The following TMPRSS9 variants were observed in gnomAD, a reference collection of about 807,000 sequenced individuals.
The protein encoded by TMPRSS9 is transmembrane serine protease 9, also known as transmembrane protease serine 9.
Under a neutral mutation model 111.4 loss-of-function variants are expected in TMPRSS9, and 113 were observed. The observed-to-expected ratio is 1.01, with a 90% CI of 0.87 to 1.19. The LOEUF is 1.19. TMPRSS9 is among the 50% of genes most tolerant of loss of function. TMPRSS9 has a pLI of 0.00. For synonymous variants in TMPRSS9, 805 were observed against 659.1 expected (o/e 1.22, Z -3.39); for missense variants, 1,803 against 1,513.1 (o/e 1.19, Z -3.18).
chr19:2,395,501 C>A (rs1031011530), intron 1 of TMPRSS9, among the ~76,000 whole-genome samples: 1 of 151,544 alleles, frequency 6.6e-6, no homozygotes, highest in Non-Finnish European at 1.5e-5. Flanking sequence ...CCAAGGCTGG[C>A]GGATCATCTG....
At chr19:2,368,592 G>A (rs949220282) in intron 1 of TMPRSS9, among the ~76,000 whole-genome samples, 3 of 151,906 alleles carry the variant, frequency 2.0e-5, no homozygotes, top group Non-Finnish European at 2.9e-5. Context: ...GAGGCTTCCC[G>A]TTGAGAATAG....
chr19:2,396,225 C>T, intron 1 of TMPRSS9: 1 of 262,084 alleles, frequency 3.8e-6, no homozygotes, highest in Non-Finnish European at 7.2e-6. Flanking sequence ...AGCAGGACCT[C>T]TTTCTGCCTT....
intron 8 of TMPRSS9, 99 bp from the exon 10 acceptor site, chr19:2,410,159 A>T: frequency 6.5e-7 from 1 of 1,532,782 alleles, no homozygotes; most frequent in Admixed American, 1.8e-5. Flanking sequence ...GGGGAAACTG[A>T]GGGAGGCTTG....
Position 2,411,071 on chromosome 19 carries a change from G to A in TMPRSS9, c.1254+677G>A, listed in dbSNP as rs559483083. Among the ~76,000 whole-genome samples the A allele has an allele frequency of 7.2e-5, 11 of 151,962 alleles. No individual in the cohort carries two copies. In the South Asian group the frequency reaches 1.2e-3, roughly 17 times the overall value. On this transcript the variant is annotated intron_variant, in intron 9 of 17. Transcript: ENST00000648592. ...TCCCAGCACTATGCGAGGCCAAGGC[G>A]GGTGGATCACTTGAGGTCAGGAGTT...
At chr19:2,392,301 G>A (rs1970614927) in intron 1 of TMPRSS9, among the ~76,000 whole-genome samples, 1 of 152,184 alleles carries the variant, frequency 6.6e-6, no homozygotes, top group Admixed American at 6.6e-5. Context: ...ACTGAGGTGG[G>A]AGGATTGCTT....
intron 1 of TMPRSS9, among the ~76,000 whole-genome samples, chr19:2,365,629 A>AT (rs1970242410): frequency 6.6e-6 from 1 of 151,896 alleles, no homozygotes; most frequent in Non-Finnish European, 1.5e-5. Context: ...AACAAAAAAA[A>AT]CAAAAAAACT....
chr19:2,382,680 TACAC>T (rs36192234), intron 1 of TMPRSS9, among the ~76,000 whole-genome samples: 58,729 of 149,244 alleles, frequency 0.39, 11,586 homozygotes, highest in East Asian at 0.59. Flanking sequence ...CGTGCACACA[TACAC>T]ACATGCACAC....
chr19:2,424,154 T>G (rs1568194087), exon 15 of TMPRSS9: 2 of 1,450,744 alleles, frequency 1.4e-6, no homozygotes, highest in East Asian at 2.8e-5. Flanking sequence ...CCGTGGGGAG[T>G]GGCCGTGGCA....
At chr19:2,400,833 G>T (rs1238384082) in intron 4 of TMPRSS9, among the ~76,000 whole-genome samples, 1 of 151,578 alleles carries the variant, frequency 6.6e-6, no homozygotes, top group African/African-American at 2.4e-5. Flanking sequence ...AATTAGCCGG[G>T]CATGGTGGCG....
Position 2,418,310 on chromosome 19 carries a change from C to CT in TMPRSS9, c.2154+172_2154+173insT, listed in dbSNP as rs1568189288. On this transcript the variant is annotated intron_variant, in intron 13 of 17. Transcript: ENST00000648592. Reference sequence around the variant, plus strand: ...TTCCTCCTTTCCTTCCCTCCCTTTCCCTCCCTCCCTCCCTCCCTCCCTTTC... The same window carrying CT: ...TTCCTCCTTTCCTTCCCTCCCTTTCCTCTCCCTCCCTCCCTCCCTCCCTTTC... Among the ~76,000 whole-genome samples the CT allele has an allele frequency of 2.8e-4, 9 of 31,852 alleles. 2 individuals are homozygous for CT. The highest frequency in any genetic ancestry group is 1.9e-3 in the African/African-American group (5 of 2,620). 20.9% of individuals were successfully genotyped at this position (31,852 alleles called of 152,430 possible).
chr19:2,379,175 C>CTTTTTTTTTT (rs201078504), intron 1 of TMPRSS9, among the ~76,000 whole-genome samples: 1 of 124,800 alleles, frequency 8.0e-6, no homozygotes, highest in Non-Finnish European at 1.6e-5. Context: ...GCCTGAGCTT[C>CTTTTTTTTTT]TTTCTCTTTT....
rs112589383 is a variant in TMPRSS9, at chr19:2,374,406, C to G, written c.-26+14046C>G. Among the ~76,000 whole-genome samples, 3 of 150,966 alleles carry G rather than the reference C, an allele frequency of 2.0e-5. No individual in the cohort carries two copies. The East Asian group carries it at 5.9e-4, about 29-fold the overall frequency. On this transcript the variant is annotated intron_variant, in intron 1 of 17. Coordinates refer to the TMPRSS9 transcript ENST00000649857. ...TGACCAATATGGTGAAACCCCGTCT[C>G]TACTAAAAAATACAAAAATTAGCTG...
At chr19:2,416,939 C>T in intron 12 of TMPRSS9, 130 bp downstream of exon 13, 1 of 1,255,880 alleles carries the variant, frequency 8.0e-7, no homozygotes, top group Non-Finnish European at 1.1e-6. Context: ...GTGGCTGATC[C>T]CTTTGTCTTT....
intron 1 of TMPRSS9, among the ~76,000 whole-genome samples, chr19:2,377,754 C>A (rs748756661): frequency 8.2e-6 from 1 of 121,942 alleles, no homozygotes; most frequent in Non-Finnish European, 1.7e-5. Context: ...TCACTGTCAC[C>A]CAGGCTGGAG....
intron 1 of TMPRSS9, among the ~76,000 whole-genome samples, chr19:2,369,105 C>G (rs894001875): frequency 6.6e-6 from 1 of 151,988 alleles, no homozygotes; most frequent in Non-Finnish European, 1.5e-5. Context: ...GCGCCCACCA[C>G]CACACCCAGC....
At chr19:2,361,769 A>C (rs1013512467) in intron 1 of TMPRSS9, among the ~76,000 whole-genome samples, 1 of 151,638 alleles carries the variant, frequency 6.6e-6, no homozygotes, top group Non-Finnish European at 1.5e-5. Flanking sequence ...CATGGGCTCC[A>C]GAGGTTGCCA....
At chr19:2,423,758 TG>T (rs1971523388) in intron 14 of TMPRSS9, among the ~76,000 whole-genome samples, 1 of 151,696 alleles carries the variant, frequency 6.6e-6, no homozygotes, top group South Asian at 2.1e-4. Context: ...GGCGGGGCCC[TG>T]GTGTGTGCAA....
chr19:2,366,073 T>G (rs1022352425), intron 1 of TMPRSS9, among the ~76,000 whole-genome samples: 1 of 152,124 alleles, frequency 6.6e-6, no homozygotes, highest in Admixed American at 6.5e-5. Context: ...TTGAAACTGC[T>G]TGGAAAAAAA....
Position 2,424,544 on chromosome 19 carries a change from T to G in TMPRSS9, c.2717+287T>G, listed in dbSNP as rs547627713. Among the ~76,000 whole-genome samples, 5 of 86,670 alleles carry G rather than the reference T, an allele frequency of 5.8e-5. 1 individual carries two copies. Among genetic ancestry groups the G allele is most frequent in the South Asian group, 3.6e-4 (1 of 2,804 alleles). The allele number at this position is 86,670 out of a possible 152,430, so 56.9% of individuals were successfully genotyped here. A position where few individuals can be genotyped will look rare whatever the true frequency, so the allele number is the denominator to read the frequency against. On this transcript the variant is annotated intron_variant, in intron 15 of 17. Transcript: ENST00000648592. Reference sequence around the variant, plus strand: ...AACCCGGAAGCTGCGGCCCCCCCCCTCCAGCTCCAGGCTAAGCCCACGGGA... The same window carrying G: ...AACCCGGAAGCTGCGGCCCCCCCCCGCCAGCTCCAGGCTAAGCCCACGGGA...
Sources: gnomAD v4.1 joint callset for allele counts (sites outside exome capture counted in the v4.1 genomes callset) on GRCh38, gnomAD v4.1.1 for gene constraint, MANE v1.5 for transcripts, NCBI Gene and HGNC (gene_info 2026-07-23, HGNC 2026-07-21) for gene names.